The following ACSS3 variants were observed in gnomAD, a reference collection of about 807,000 sequenced individuals.
ACSS3 encodes acyl-CoA synthetase short chain family member 3.
ACSS3 carries 64 observed loss-of-function variants against 84.2 expected under a neutral mutation model. The ratio of observed to expected loss-of-function variants is 0.76; its 90% confidence interval spans 0.62 to 0.94. The LOEUF (loss-of-function observed/expected upper bound fraction) is 0.94, where lower values mean the gene tolerates loss of function less well. Ranked by LOEUF, ACSS3 falls within the 40% of genes least tolerant of loss-of-function variation. The pLI, the probability that ACSS3 is intolerant of heterozygous loss-of-function variation, is 0.00. For missense variants in ACSS3, 815 were observed against 867.6 expected, an observed-to-expected ratio of 0.94 and a Z score of 0.76; for synonymous variants, 317 against 310.1, an observed-to-expected ratio of 1.02 and a Z score of -0.23.
chr12:81,179,819 T>A (rs1022456376), intron 8 of ACSS3, among the ~76,000 whole-genome samples: 1 of 149,992 alleles, frequency 6.7e-6, no homozygotes, highest in Non-Finnish European at 1.5e-5. Flanking sequence ...GTTGCATTAG[T>A]CCATTCTCAC....
chr12:81,229,656 C>T (rs1000383848), intron 11 of ACSS3, among the ~76,000 whole-genome samples: 1 of 151,864 alleles, frequency 6.6e-6, no homozygotes, highest in African/African-American at 2.4e-5. Flanking sequence ...ATAATCACAA[C>T]AGCAACAGCA....
At chr12:81,130,645 G>A (rs894195654) in intron 2 of ACSS3, among the ~76,000 whole-genome samples, 2 of 152,076 alleles carry the variant, frequency 1.3e-5, no homozygotes, top group African/African-American at 4.8e-5. Flanking sequence ...GATCCCATTT[G>A]TCTATTTTGG....
chr12:81,219,581 C>T lies in ACSS3; in HGVS notation c.1451-432C>T, dbSNP rs547035207. 1.2e-4 allele frequency among the ~76,000 whole-genome samples: 19 copies of T among 152,168 alleles called. No individual in the cohort carries two copies. The South Asian group carries it at 2.3e-3, about 18-fold the overall frequency. On this transcript the variant is annotated intron_variant, in intron 10 of 15. Coordinates refer to ENST00000548058, the MANE Select transcript of ACSS3 (RefSeq NM_024560.4). ...ATTTAAAGCTCCTAAGTGGATATTACGCTTTAAATCAGAATAAGGGGTTTT... is the reference window on the plus strand; with the variant it reads ...ATTTAAAGCTCCTAAGTGGATATTATGCTTTAAATCAGAATAAGGGGTTTT...
At chr12:81,144,279 T>C (rs1394276262) in intron 5 of ACSS3, among the ~76,000 whole-genome samples, 1 of 152,186 alleles carries the variant, frequency 6.6e-6, no homozygotes, top group Non-Finnish European at 1.5e-5. Flanking sequence ...TGGTCTACCA[T>C]TGTGCTGTAT....
intron 9 of ACSS3, among the ~76,000 whole-genome samples, chr12:81,200,046 T>C (rs1192507166): frequency 6.6e-6 from 1 of 152,202 alleles, no homozygotes; most frequent in Non-Finnish European, 1.5e-5. Context: ...TTTAATTTAT[T>C]TTGTTTATTC....
Position 81,233,638 on chromosome 12 carries a change from A to G in ACSS3, c.1719+167A>G, listed in dbSNP as rs541623344. 2.6e-5 allele frequency among the ~76,000 whole-genome samples: 4 copies of G among 151,372 alleles called. No homozygotes were observed. The South Asian group carries it at 8.3e-4, about 31-fold the overall frequency. On this transcript the variant is annotated intron_variant, in intron 13 of 15. Coordinates refer to ENST00000548058, the MANE Select transcript of ACSS3 (RefSeq NM_024560.4). ...ACCTCACTTTCTCTTTTAGATATTCATATTCCCTACACTCCCACATCCCTG... is the reference window on the plus strand; with the variant it reads ...ACCTCACTTTCTCTTTTAGATATTCGTATTCCCTACACTCCCACATCCCTG...
At chr12:81,217,849 A>G (rs2032976608) in intron 10 of ACSS3, among the ~76,000 whole-genome samples, 1 of 152,096 alleles carries the variant, frequency 6.6e-6, no homozygotes, top group East Asian at 1.9e-4. Context: ...AAAAATAAAT[A>G]AATAAATATA....
intron 1 of ACSS3, among the ~76,000 whole-genome samples, chr12:81,098,464 TG>T (rs1436573675): frequency 1.3e-5 from 2 of 152,160 alleles, no homozygotes; most frequent in Admixed American, 6.5e-5. Flanking sequence ...TCAATTAGCC[TG>T]TGGTGAAATT....
intron 7 of ACSS3, among the ~76,000 whole-genome samples, chr12:81,166,823 T>C (rs996615712): frequency 6.6e-6 from 1 of 152,248 alleles, no homozygotes; most frequent in African/African-American, 2.4e-5. Flanking sequence ...GGTTGAATCG[T>C]AGTATGCATA....
Position 81,256,646 on chromosome 12 carries a change from G to T in ACSS3, c.*1724G>T, listed in dbSNP as rs552565573. The T allele has an allele frequency of 8.5e-5, 13 of 152,078 alleles. No homozygotes were observed. Among genetic ancestry groups the T allele is most frequent in the Non-Finnish European group, 1.8e-4 (12 of 68,010 alleles). 9.4% of individuals were successfully genotyped at this position (152,078 alleles called of 1,614,324 possible). On this transcript the variant is annotated 3_prime_UTR_variant, in exon 16 of 16. Transcript: ENST00000548058. ...ATGAAATGTATGTGAGAGATAAATA[G>T]ATAATAGAAAGTTTATTGTTATAAA...
At chr12:81,251,214 G>A (rs918880809) in intron 13 of ACSS3, among the ~76,000 whole-genome samples, 3 of 152,280 alleles carry the variant, frequency 2.0e-5, no homozygotes, top group Admixed American at 6.5e-5. Flanking sequence ...GTTGCCAAGG[G>A]TTAGGGGAAA....
At chr12:81,101,517 T>C (rs774047557) in intron 1 of ACSS3, among the ~76,000 whole-genome samples, 1 of 152,096 alleles carries the variant, frequency 6.6e-6, no homozygotes, top group Non-Finnish European at 1.5e-5. Flanking sequence ...ATACAAAACA[T>C]AGATACACAG....
chr12:81,079,273 A>C (rs1462528697), intron 1 of ACSS3, among the ~76,000 whole-genome samples: 1 of 152,216 alleles, frequency 6.6e-6, no homozygotes, highest in Non-Finnish European at 1.5e-5. Flanking sequence ...CAAGCTTGCT[A>C]AGATACTGAG....
At chr12:81,135,971 A>G (rs974730663) in intron 3 of ACSS3, among the ~76,000 whole-genome samples, 2 of 152,080 alleles carry the variant, frequency 1.3e-5, no homozygotes, top group African/African-American at 4.8e-5. Flanking sequence ...CTAATAACTA[A>G]TTTGTTCATT....
At chr12:81,087,663 T>C (rs944868592) in intron 1 of ACSS3, among the ~76,000 whole-genome samples, 1 of 152,216 alleles carries the variant, frequency 6.6e-6, no homozygotes, top group Non-Finnish European at 1.5e-5. Flanking sequence ...ATACATTTTT[T>C]CTTATTTTCA....
At chr12:81,242,748 A>T (rs1255629835) in intron 13 of ACSS3, among the ~76,000 whole-genome samples, 1 of 140,334 alleles carries the variant, frequency 7.1e-6, no homozygotes, top group Non-Finnish European at 1.6e-5. Flanking sequence ...ACAGAACCAA[A>T]GACAAAAACC....
At chr12:81,210,157 C>T (rs1217915101) in intron 9 of ACSS3, among the ~76,000 whole-genome samples, 1 of 152,156 alleles carries the variant, frequency 6.6e-6, no homozygotes, top group Non-Finnish European at 1.5e-5. Flanking sequence ...GATGGAGTTG[C>T]TCTGGTTTGA....
chr12:81,084,406 A>G (rs1593016984), intron 1 of ACSS3, among the ~76,000 whole-genome samples: 1 of 152,332 alleles, frequency 6.6e-6, no homozygotes, highest in Admixed American at 6.5e-5. Context: ...TAAATTACAC[A>G]TAGTGACTTT....
chr12:81,259,267 T>G lies in ACSS3; in HGVS notation c.*4345T>G. 1 of 319,146 alleles carries G rather than the reference T, an allele frequency of 3.1e-6. No individual in the cohort carries two copies. Among genetic ancestry groups the G allele is most frequent in the Non-Finnish European group, 5.9e-6 (1 of 168,446 alleles). The allele number at this position is 319,146 out of a possible 1,614,324, so 19.8% of individuals were successfully genotyped here. A position where few individuals can be genotyped will look rare whatever the true frequency, so the allele number is the denominator to read the frequency against. On this transcript the variant is annotated 3_prime_UTR_variant, in exon 16 of 16. Coordinates refer to ENST00000548058, the MANE Select transcript of ACSS3 (RefSeq NM_024560.4). ...ATTGTCAAATGTTTGCACTCGAGAC[T>G]CCATGAACCATATATTTTATTTTTT... is the stretch of plus-strand genomic sequence containing the variant.
Sources: allele counts gnomAD v4.1 joint callset (sites outside exome capture counted in the v4.1 genomes callset), GRCh38; gene constraint gnomAD v4.1.1; transcripts MANE v1.5; gene names NCBI Gene and HGNC (gene_info 2026-07-23, HGNC 2026-07-21).